Variants in FREM2 observed in about 807,000 individuals in gnomAD.
FREM2 encodes the protein FRAS1-related extracellular matrix protein 2.
Under a neutral mutation model 219.9 loss-of-function variants are expected in FREM2, and 119 were observed. The observed-to-expected ratio is 0.54, with a 90% CI of 0.47 to 0.63. FREM2 has a LOEUF of 0.63. Among genes scored for constraint, FREM2 ranks in the 30% least tolerant of loss-of-function variants. The pLI, the probability that FREM2 is intolerant of heterozygous loss-of-function variation, is 0.00. For synonymous variants in FREM2, 1,562 were observed against 1,522.8 expected, an observed-to-expected ratio of 1.03 and a Z score of -0.60; for missense variants, 4,030 against 3,993.6, an observed-to-expected ratio of 1.01 and a Z score of -0.25.
At chr13:38,856,746 C>T (rs1346229722) in intron 12 of FREM2, among the ~76,000 whole-genome samples, 1 of 151,436 alleles carries the variant, frequency 6.6e-6, no homozygotes, top group Non-Finnish European at 1.5e-5. Flanking sequence ...AGTCCTAAAT[C>T]TTGTTTTCTA....
Position 38,876,146 on chromosome 13 carries a change from T to C in FREM2, c.8406T>C (p.Phe2802=), listed in dbSNP as rs1164759573. 6.2e-7 allele frequency: 1 copy of C among 1,614,184 alleles called. No individual in the cohort carries two copies. Among genetic ancestry groups the C allele is most frequent in the Non-Finnish European group, 8.5e-7 (1 of 1,180,026 alleles). Residue 2802 remains phenylalanine, a synonymous_variant, in exon 19 of 24, where the codon TTT becomes TTC. Transcript: ENST00000280481. ...AGCAGTGGAGCTTTGTCTCTGACTT[T>C]GCCGTAAGTGACTAAGACTCTTAAT... The part of the protein sequence containing the change: ...PVQQWSFVSD[F]AVRDYSGTYT...
At position 38,886,620 on chromosome 13, in the gene FREM2, A is replaced by G. The variant is rs1277154324; in HGVS notation, c.*5833A>G. The G allele has an allele frequency of 6.6e-6, 1 of 151,948 alleles. No individual in the cohort carries two copies. The highest frequency in any genetic ancestry group is 1.5e-5 in the Non-Finnish European group (1 of 68,014). 9.4% of individuals were successfully genotyped at this position (151,948 alleles called of 1,614,324 possible). ...TCCATGTTGGTCAGGCTGATCTCGA[A>G]CTCCCAACCTCAGATGATCCTCCCG... On this transcript the variant is annotated 3_prime_UTR_variant, in exon 24 of 24. Coordinates refer to ENST00000280481, the MANE Select transcript of FREM2 (RefSeq NM_207361.6).
chr13:38,874,404 T>C, intron 17 of FREM2, 78 bp from the exon 18 acceptor site: 1 of 1,154,112 alleles, frequency 8.7e-7, no homozygotes, highest in Non-Finnish European at 1.3e-6. Context: ...CAAACCTGAA[T>C]TAATTTTTGG....
intron 6 of FREM2, among the ~76,000 whole-genome samples, chr13:38,791,181 C>A (rs1195400288): frequency 6.6e-6 from 1 of 152,284 alleles, no homozygotes; most frequent in East Asian, 1.9e-4. Flanking sequence ...TCTTCAACAG[C>A]ACATTTAAAA....
chr13:38,865,832 G>T lies in FREM2; in HGVS notation c.7983+1226G>T, dbSNP rs1299496182. ...TCAAGCAAATGCTGACCAAAATTTG[G>T]CTCTGATAGTTTCTAGCTGTATGTC... is the stretch of plus-strand genomic sequence containing the variant. On this transcript the variant is annotated intron_variant, in intron 16 of 23. Transcript: ENST00000280481. Among the ~76,000 whole-genome samples, 3 of 152,172 alleles carry T rather than the reference G, an allele frequency of 2.0e-5. No homozygotes were observed. In the East Asian group the frequency reaches 5.8e-4, roughly 29 times the overall value.
At chr13:38,704,173 G>A (rs1233000930) in intron 2 of FREM2, among the ~76,000 whole-genome samples, 1 of 152,138 alleles carries the variant, frequency 6.6e-6, no homozygotes, top group Non-Finnish European at 1.5e-5. Flanking sequence ...GCTAAAGCAA[G>A]ATTCCTTGTA....
chr13:38,763,801 G>A (rs1359466489), intron 2 of FREM2, among the ~76,000 whole-genome samples: 2 of 152,130 alleles, frequency 1.3e-5, no homozygotes, highest in Non-Finnish European at 2.9e-5. Context: ...AATATAGTGG[G>A]GAAGGGAGGC....
chr13:38,807,424 T>C (rs1487623511), intron 6 of FREM2, among the ~76,000 whole-genome samples: 1 of 150,438 alleles, frequency 6.6e-6, no homozygotes, highest in Non-Finnish European at 1.5e-5. Flanking sequence ...GAATGGTGAA[T>C]TTTTCCAGAG....
intron 14 of FREM2, 117 bp from the exon 15 acceptor site, chr13:38,861,314 A>G (rs1426152473): frequency 1.0e-5 from 10 of 989,546 alleles, no homozygotes; most frequent in Non-Finnish European, 1.6e-5. Context: ...GCCATGCCCT[A>G]CTCCACAGAG....
intron 6 of FREM2, among the ~76,000 whole-genome samples, chr13:38,796,524 C>T (rs1874790484): frequency 6.6e-6 from 1 of 152,082 alleles, no homozygotes; most frequent in African/African-American, 2.4e-5. Flanking sequence ...GTAAAAAGTA[C>T]CTCCCTAACC....
chr13:38,878,022 G>A (rs1878401719), intron 21 of FREM2, 112 bp from the exon 22 acceptor site: 1 of 918,022 alleles, frequency 1.1e-6, no homozygotes, highest in African/African-American at 1.6e-5. Context: ...GATAGTAGAT[G>A]AGGGTGGCAA....
At chr13:38,872,984 CTATT>C (rs1878216165) in intron 17 of FREM2, 50 bp downstream of exon 17, 1 of 1,543,932 alleles carries the variant, frequency 6.5e-7, no homozygotes, top group Non-Finnish European at 8.9e-7. Context: ...CCTATTTAAA[CTATT>C]TAAGACGATT....
intron 2 of FREM2, among the ~76,000 whole-genome samples, chr13:38,735,052 A>G (rs988512067): frequency 5.9e-5 from 9 of 152,088 alleles, no homozygotes; most frequent in African/African-American, 1.4e-4. Context: ...AGCCAGTGCT[A>G]TACATTTTTA....
chr13:38,758,287 C>T (rs1873092492), intron 2 of FREM2, among the ~76,000 whole-genome samples: 1 of 152,176 alleles, frequency 6.6e-6, no homozygotes, highest in Admixed American at 6.5e-5. Context: ...AACCGGATTT[C>T]TTATCTCTCT....
chr13:38,708,842 C>A (rs1322889906), intron 2 of FREM2, among the ~76,000 whole-genome samples: 1 of 152,080 alleles, frequency 6.6e-6, no homozygotes, highest in Non-Finnish European at 1.5e-5. Context: ...TCACTGCAAC[C>A]TCTGCCTCAC....
rs555431635 is a variant in FREM2 at position 38,783,264 on chromosome 13, A to G, written c.5767+69A>G. The G allele has an allele frequency of 2.9e-5, 44 of 1,529,730 alleles. No homozygotes were observed. In the South Asian group the frequency reaches 3.4e-4, roughly 12 times the overall value. The allele number at this position is 1,529,730 out of a possible 1,614,324, so 94.8% of individuals were successfully genotyped here. ...TAAATAAGCCTTTTTAACATATTGG[A>G]GCCATAACATTTTACCATGAGGGGT... On this transcript the variant is annotated intron_variant, in intron 5 of 23. Coordinates refer to ENST00000280481, the MANE Select transcript of FREM2 (RefSeq NM_207361.6).
At chr13:38,800,428 C>A (rs781686082) in intron 6 of FREM2, among the ~76,000 whole-genome samples, 2 of 152,082 alleles carry the variant, frequency 1.3e-5, no homozygotes, top group African/African-American at 4.8e-5. Context: ...CACTGTTGGT[C>A]TGATGGGAGT....
rs777481646 is a variant in FREM2, at chr13:38,689,735, T to C, written c.2391T>C (p.Thr797=). ...RPPGQELGVA[T]RVAQFQFQVE... is the part of the protein sequence containing the mutation. The stretch of plus-strand genomic sequence containing the variant: ...CGGGTCAAGAACTGGGCGTGGCTAC[T>C]CGAGTGGCCCAGTTCCAGTTCCAGG... The change falls in exon 1 of 24, where the codon ACT becomes ACC. Residue 797 remains threonine, a synonymous_variant. Coordinates refer to ENST00000280481, the MANE Select transcript of FREM2 (RefSeq NM_207361.6). The C allele has an allele frequency of 6.2e-7, 1 of 1,613,422 alleles. No individual in the cohort carries two copies.
chr13:38,759,076 G>A (rs1042233358), intron 2 of FREM2, among the ~76,000 whole-genome samples: 2 of 152,052 alleles, frequency 1.3e-5, no homozygotes, highest in Non-Finnish European at 2.9e-5. Flanking sequence ...CCCCAATAAG[G>A]TAGGTAATAA....
Sources: gnomAD v4.1 joint callset for allele counts (sites outside exome capture counted in the v4.1 genomes callset) on GRCh38, gnomAD v4.1.1 for gene constraint, MANE v1.5 for transcripts, NCBI Gene and HGNC (gene_info 2026-07-23, HGNC 2026-07-21) for gene names.